TNRC18: variants seen among roughly 807,000 people sequenced by gnomAD.
TNRC18 encodes the protein trinucleotide repeat-containing gene 18 protein.
In TNRC18, 69 loss-of-function variants were observed where a neutral mutation model predicts 226.7. That is an observed-to-expected ratio of 0.30 (90% CI 0.25 to 0.37). TNRC18 has a LOEUF of 0.37. Ranked by LOEUF, TNRC18 falls within the 10% of genes least tolerant of loss-of-function variation. TNRC18 has a pLI of 1.00. For synonymous variants in TNRC18, 2,449 were observed against 1,927.6 expected (o/e 1.27, Z -7.09); for missense variants, 4,754 against 4,256.6 (o/e 1.12, Z -3.25).
At chr7:5,339,854 G>A (rs1353291224) in intron 18 of TNRC18, among the ~76,000 whole-genome samples, 1 of 151,680 alleles carries the variant, frequency 6.6e-6, no homozygotes. Flanking sequence ...ACAGGCATGA[G>A]CCACCACACC....
At chr7:5,317,501 G>A (rs192616976) in intron 24 of TNRC18, among the ~76,000 whole-genome samples, 2 of 152,040 alleles carry the variant, frequency 1.3e-5, no homozygotes, top group East Asian at 1.9e-4. Context: ...TGAGGCAGGA[G>A]AATCACTTGA....
chr7:5,315,074 C>T lies in TNRC18; in HGVS notation c.6937G>A (p.Glu2313Lys). 1 of 1,612,540 alleles carries T rather than the reference C, an allele frequency of 6.2e-7. No individual in the cohort carries two copies. Among genetic ancestry groups the T allele is most frequent in the Non-Finnish European group, 8.5e-7 (1 of 1,179,496 alleles). ...CCAGCCGTGCCACCATCTTTGCCCTCCCCAGTGTCTTTGCTGGTCTTCCGG... is the reference window on the plus strand; with the variant it reads ...CCAGCCGTGCCACCATCTTTGCCCTTCCCAGTGTCTTTGCTGGTCTTCCGG... ...RSRKTSKDTG[E>K]GKDGGTAGSE... The change falls in exon 26 of 30, where the codon GAG (glutamate) becomes AAG (lysine). Residue 2313 changes from glutamate to lysine, a missense_variant. Glu to Lys is a moderately conservative substitution (Grantham distance 56). Coordinates refer to ENST00000430969, the MANE Select transcript of TNRC18 (RefSeq NM_001080495.3).
At chr7:5,407,449 G>C (rs746338570) in intron 2 of TNRC18, 1 of 152,222 alleles carries the variant, frequency 6.6e-6, no homozygotes, top group South Asian at 2.1e-4. Context: ...CCGCTCCAGC[G>C]GAAAGCCATC....
chr7:5,334,132 G>C (rs1232506983), intron 18 of TNRC18, among the ~76,000 whole-genome samples: 5 of 152,118 alleles, frequency 3.3e-5, no homozygotes, highest in African/African-American at 9.7e-5. Context: ...TCCAGCACAG[G>C]AGCCGAAAAG....
intron 21 of TNRC18, among the ~76,000 whole-genome samples, chr7:5,322,227 G>A (rs1788448723): frequency 1.3e-5 from 2 of 151,902 alleles, no homozygotes; most frequent in South Asian, 2.1e-4. Flanking sequence ...GCAGTGAGCC[G>A]AGATCACGCC....
intron 17 of TNRC18, among the ~76,000 whole-genome samples, chr7:5,350,075 G>A (rs980426787): frequency 6.6e-5 from 10 of 152,276 alleles, no homozygotes; most frequent in South Asian, 2.1e-4. Context: ...ACTTGGAAGC[G>A]GAAACCGCGG....
chr7:5,342,445 A>G lies in TNRC18; in HGVS notation c.5719+3117T>C, dbSNP rs149295327. Among the ~76,000 whole-genome samples, 32 of 151,858 alleles carry G rather than the reference A, an allele frequency of 2.1e-4. No individual in the cohort carries two copies. In the East Asian group the frequency reaches 6.2e-3, roughly 30 times the overall value. On this transcript the variant is annotated intron_variant, in intron 18 of 29. Coordinates refer to ENST00000430969, the MANE Select transcript of TNRC18 (RefSeq NM_001080495.3). ...CTCAGTCTCAAAAAAAAAAAAAAAG[A>G]AAAAAAGAAGTTGATTCCAACCCTC...
intron 18 of TNRC18, 38 bp downstream of exon 18, chr7:5,345,524 C>CCCCCCCCCCCCCCCCCCCCCCCCCCCAA: frequency 1.1e-5 from 2 of 182,374 alleles, no homozygotes; most frequent in East Asian, 2.0e-4. Context: ...TCCGCCCCTC[C>CCCCCCCCCCCCCCCCCCCCCCCCCCCAA]CACCCACCCC....
At position 5,345,775 on chromosome 7, in the gene TNRC18, GCTC is replaced by G. The variant is rs769235360; in HGVS notation, c.5503_5505del (p.Glu1835del). 6.5e-7 allele frequency: 1 copy of G among 1,546,480 alleles called. No individual in the cohort carries two copies. Reference sequence around the variant, plus strand: ...CCGCTGGCCTCGTCCTCCTCCTCGAGCTCCTCCTCCTCGTCCTCCTCCTCCGAG... The same window carrying G: ...CCGCTGGCCTCGTCCTCCTCCTCGAGCTCCTCCTCGTCCTCCTCCTCCGAG... On this transcript the variant is annotated inframe_deletion, in exon 18 of 30. Coordinates refer to ENST00000430969, the MANE Select transcript of TNRC18 (RefSeq NM_001080495.3).
rs1175001313 is a variant in TNRC18, at chr7:5,387,806, C to G, written c.2018G>C (p.Gly673Ala). ...AGGCGGGTGTCGCACTTCTGCCTCA[C>G]CCTGGGCACCAGAGCCCTCGCGCCC... is the stretch of plus-strand genomic sequence containing the variant. ...AFGREGSGAQ[G>A]EAEVRHPPVG... Residue 673 changes from glycine to alanine, a missense_variant, in exon 5 of 30, where the codon GGT (glycine) becomes GCT (alanine). Transcript: ENST00000430969. The G allele has an allele frequency of 1.9e-6, 3 of 1,607,562 alleles. No homozygotes were observed. The highest frequency in any genetic ancestry group is 2.7e-5 in the African/African-American group (2 of 75,034).
chr7:5,321,249 C>G, intron 21 of TNRC18, 59 bp from the exon 22 acceptor site: 1 of 1,257,354 alleles, frequency 8.0e-7, no homozygotes. Flanking sequence ...ACACCTCTCC[C>G]TCCTCCCGTT....
At chr7:5,376,625 G>A (rs1460170782) in intron 8 of TNRC18, among the ~76,000 whole-genome samples, 6 of 152,170 alleles carry the variant, frequency 3.9e-5, no homozygotes, top group Non-Finnish European at 8.8e-5. Flanking sequence ...AGGGCTGCCT[G>A]TCTCGCTTCT....
chr7:5,309,751 A>G lies in TNRC18; in HGVS notation c.8389-383T>C, dbSNP rs902291834. ...TCTGAGGAGCTGAGAATACAGGCGC[A>G]CACCACGCCCGGCTAATTTTGATTA... On this transcript the variant is annotated intron_variant, in intron 27 of 29. Transcript: ENST00000430969. The surrounding 1 kb of genome is among the most constrained non-coding windows in gnomAD (Gnocchi z 5.7). Among the ~76,000 whole-genome samples, 1 of 152,164 alleles carries G rather than the reference A, an allele frequency of 6.6e-6. No homozygotes were observed. Among genetic ancestry groups the G allele is most frequent in the African/African-American group, 2.4e-5 (1 of 41,430 alleles).
At chr7:5,384,316 G>A (rs1283440135) in intron 5 of TNRC18, among the ~76,000 whole-genome samples, 1 of 151,726 alleles carries the variant, frequency 6.6e-6, no homozygotes, top group Non-Finnish European at 1.5e-5. Flanking sequence ...GCCCAGGCTG[G>A]CCTCAACCTC....
In TNRC18 at chr7:5,308,928, G is replaced by T. The variant is rs780652959; in HGVS notation, c.8647C>A (p.Arg2883Ser). 3.1e-6 allele frequency: 5 copies of T among 1,605,814 alleles called. No homozygotes were observed. The highest frequency in any genetic ancestry group is 4.2e-6 in the Non-Finnish European group (5 of 1,177,806). The part of the protein sequence containing the change: ...QGQHWDQKSS[R>S]SLPAALRVSS... ...ACCCGCAGGGCCGCCGGGAGGCTGC[G>T]GCTGGACTTCTGGTCCCAGTGCTGT... Residue 2883 changes from arginine (R) to serine (S), a missense_variant, in exon 29 of 30, where the codon CGC becomes AGC. Coordinates refer to ENST00000430969, the MANE Select transcript of TNRC18 (RefSeq NM_001080495.3).
At chr7:5,386,002 A>C (rs1198779521) in intron 5 of TNRC18, among the ~76,000 whole-genome samples, 1 of 148,380 alleles carries the variant, frequency 6.7e-6, no homozygotes, top group Non-Finnish European at 1.5e-5. Flanking sequence ...AAAAAAAAAA[A>C]AAAAACAGAT....
intron 16 of TNRC18, among the ~76,000 whole-genome samples, chr7:5,353,762 G>A (rs1792075537): frequency 6.6e-6 from 1 of 152,064 alleles, no homozygotes; most frequent in Non-Finnish European, 1.5e-5. Context: ...ATAAACAGAG[G>A]AGCGCTCTGC....
intron 11 of TNRC18, among the ~76,000 whole-genome samples, chr7:5,368,959 C>T (rs191112261): frequency 6.6e-6 from 1 of 152,186 alleles, no homozygotes; most frequent in Non-Finnish European, 1.5e-5. Context: ...TACCCTCCCC[C>T]TTCCCTACAC....
chr7:5,350,433 C>CGGGCGGG (rs1562528877), intron 17 of TNRC18, among the ~76,000 whole-genome samples: 1 of 72,936 alleles, frequency 1.4e-5, no homozygotes, highest in African/African-American at 5.8e-5. Flanking sequence ...AAAAACAGGG[C>CGGGCGGG]GGGCGGGGGG....
Sources: allele counts gnomAD v4.1 joint callset (sites outside exome capture counted in the v4.1 genomes callset), GRCh38; gene constraint gnomAD v4.1.1; non-coding constraint Gnocchi (gnomAD v3.1); transcripts MANE v1.5; gene names NCBI Gene and HGNC (gene_info 2026-07-23, HGNC 2026-07-21).